The following ANO1 variants were observed in gnomAD, a reference collection of about 807,000 sequenced individuals.
ANO1 encodes anoctamin 1.
ANO1 carries 59 observed loss-of-function variants against 124.0 expected under a neutral mutation model. The ratio of observed to expected loss-of-function variants is 0.48; its 90% CI spans 0.39 to 0.59. The LOEUF (loss-of-function observed/expected upper bound fraction) is 0.59, where lower values mean the gene tolerates loss of function less well. ANO1 is among the 20% of genes least tolerant of loss of function. ANO1 has a pLI of 0.00. For missense variants in ANO1, 1,059 were observed against 1,328.0 expected, an observed-to-expected ratio of 0.80 and a Z score of 3.15; for synonymous variants, 529 against 532.0, an observed-to-expected ratio of 0.99 and a Z score of 0.08.
rs1219925917 is a variant in ANO1, at chr11:70,139,749, T to G, written c.1258+7670T>G. Among the ~76,000 whole-genome samples, 3 of 152,360 alleles carry G rather than the reference T, an allele frequency of 2.0e-5. No individual in the cohort carries two copies. The East Asian group carries it at 5.8e-4, about 29-fold the overall frequency. On this transcript the variant is annotated intron_variant, in intron 11 of 25. Transcript: ENST00000355303. ...TGTGTCTATGGTAGAACAATTGATA[T>G]TCCTTTGGGCATATACCCAGTAATG...
chr11:69,994,998 G>A (rs1856232032), intron 1 of ANO1, among the ~76,000 whole-genome samples: 1 of 151,952 alleles, frequency 6.6e-6, no homozygotes, highest in African/African-American at 2.4e-5. Flanking sequence ...AGATAGTACA[G>A]AAAATTCCCA....
At chr11:70,162,550 C>T (rs1018207398) in intron 18 of ANO1, among the ~76,000 whole-genome samples, 1 of 152,130 alleles carries the variant, frequency 6.6e-6, no homozygotes, top group Non-Finnish European at 1.5e-5. Context: ...CCTGGGCCCT[C>T]TGGAGCCATC....
chr11:69,998,063 A>T (rs1483744457), intron 1 of ANO1, among the ~76,000 whole-genome samples: 1 of 152,142 alleles, frequency 6.6e-6, no homozygotes, highest in African/African-American at 2.4e-5. Context: ...CTTAAAAGTC[A>T]CCTGGACAGA....
chr11:70,036,454 C>G (rs1219258670), intron 1 of ANO1, among the ~76,000 whole-genome samples: 2 of 152,116 alleles, frequency 1.3e-5, no homozygotes, highest in African/African-American at 2.4e-5. Context: ...GGCATAGGCT[C>G]AGTTTTCTGG....
At chr11:70,098,601 G>C (rs1190702679) in intron 2 of ANO1, among the ~76,000 whole-genome samples, 1 of 152,196 alleles carries the variant, frequency 6.6e-6, no homozygotes. Flanking sequence ...CAGGGTAGGT[G>C]AGGAAAGAAG....
rs140080009 is a variant in ANO1 at position 70,032,535 on chromosome 11, A to AGG, written c.59-45999_59-45998dup. On this transcript the variant is annotated intron_variant, in intron 1 of 27. Coordinates refer to the ANO1 transcript ENST00000531349. ...GAGAGTGAGCAGAGGGAGGCGGGAG[A>AGG]GGGGGGGGGTCTCTGAAGGGTAGAA... Among the ~76,000 whole-genome samples, 423 of 138,530 alleles carry AGG rather than the reference A, an allele frequency of 3.1e-3. 5 individuals carry two copies. The highest frequency in any genetic ancestry group is 5.3e-3 in the Admixed American group (74 of 14,040). 90.9% of individuals were successfully genotyped at this position (138,530 alleles called of 152,430 possible).
At chr11:70,129,628 CTT>C (rs5792510) in intron 10 of ANO1, 3,461 of 142,516 alleles carry the variant, frequency 0.024, 113 homozygotes, top group African/African-American at 0.069. Flanking sequence ...CACCCCCCGC[CTT>C]TTTTTTTTTT....
intron 1 of ANO1, among the ~76,000 whole-genome samples, chr11:70,053,410 G>T (rs1313812924): frequency 1.3e-5 from 2 of 152,118 alleles, no homozygotes; most frequent in Non-Finnish European, 2.9e-5. Context: ...TTTGTTGTAG[G>T]TTTAGTCATT....
chr11:70,077,608 A>T (rs946632624), upstream of ANO1, among the ~76,000 whole-genome samples: 5 of 152,296 alleles, frequency 3.3e-5, no homozygotes, highest in East Asian at 1.9e-4. Context: ...AAAGCAGGAC[A>T]GCCTTGCCCA....
chr11:70,041,860 C>T (rs74827011), intron 1 of ANO1, among the ~76,000 whole-genome samples: 35,260 of 151,994 alleles, frequency 0.23, 4,834 homozygotes, highest in South Asian at 0.33. Flanking sequence ...GGTTATTTTC[C>T]TGCTGTGGGT....
intron 24 of ANO1, 49 bp from the exon 25 acceptor site, chr11:70,185,541 C>T: frequency 6.4e-7 from 1 of 1,562,686 alleles, no homozygotes; most frequent in Non-Finnish European, 8.8e-7. Context: ...CAGCCAGAGC[C>T]TGAGCCCCAC....
chr11:70,161,322 C>T lies in ANO1; in HGVS notation c.1740C>T (p.Asp580=), dbSNP rs747098196. The T allele has an allele frequency of 6.8e-6, 11 of 1,614,002 alleles. No homozygotes were observed. Among genetic ancestry groups the T allele is most frequent in the Middle Eastern group, 1.6e-4 (1 of 6,062 alleles). ...ACCTAGTGGTCATCATCCTCCTGGA[C>T]GAGGTGTATGGCTGCATAGCCCGAT... is the stretch of plus-strand genomic sequence containing the variant. ...IINLVVIILL[D]EVYGCIARWL... Residue 580 remains aspartate (D), a synonymous_variant, in exon 17 of 26, where the codon GAC becomes GAT. Transcript: ENST00000355303.
At chr11:70,136,482 AACATCGTC>A (rs2046960141) in intron 11 of ANO1, among the ~76,000 whole-genome samples, 1 of 148,640 alleles carries the variant, frequency 6.7e-6, no homozygotes, top group Non-Finnish European at 1.5e-5. Flanking sequence ...GATTTAAATG[AACATCGTC>A]CTTTGGCCGA....
chr11:70,096,118 C>T (rs2155454), intron 2 of ANO1, among the ~76,000 whole-genome samples: 48,875 of 151,886 alleles, frequency 0.32, 8,287 homozygotes, highest in Admixed American at 0.42. Context: ...GGCGGGTCTG[C>T]TTCGCTTGTC....
chr11:70,126,293 CA>C, intron 10 of ANO1, 98 bp downstream of exon 10: 1 of 1,423,756 alleles, frequency 7.0e-7, no homozygotes, highest in Non-Finnish European at 9.4e-7. Context: ...CCTCTCACAC[CA>C]ATTCCTGTAC....
intron 25 of ANO1, among the ~76,000 whole-genome samples, chr11:70,186,532 G>C (rs1241700279): frequency 6.6e-6 from 1 of 152,134 alleles, no homozygotes; most frequent in Non-Finnish European, 1.5e-5. Flanking sequence ...GCAGCCAGGG[G>C]ACCCAGCCCC....
intron 2 of ANO1, among the ~76,000 whole-genome samples, chr11:70,090,287 G>T (rs1467146726): frequency 6.6e-6 from 1 of 152,162 alleles, no homozygotes; most frequent in Non-Finnish European, 1.5e-5. Flanking sequence ...GATTACAGGC[G>T]TGAGCCACCG....
chr11:70,093,850 A>G (rs780166499), intron 2 of ANO1, among the ~76,000 whole-genome samples: 2 of 152,198 alleles, frequency 1.3e-5, no homozygotes, highest in Non-Finnish European at 2.9e-5. Context: ...GGTGGTGGAG[A>G]CGCAACCTCG....
At chr11:70,085,735 A>C in intron 1 of ANO1, 6 of 1,415,822 alleles carry the variant, frequency 4.2e-6, no homozygotes, top group Admixed American at 2.9e-5. Flanking sequence ...TACAACTAAA[A>C]AGGACAGCCT....
Sources: allele counts gnomAD v4.1 joint callset (sites outside exome capture counted in the v4.1 genomes callset), GRCh38; gene constraint gnomAD v4.1.1; transcripts MANE v1.5; gene names NCBI Gene and HGNC (gene_info 2026-07-23, HGNC 2026-07-21).